The following CTNNA2 variants were observed in gnomAD, a reference collection of about 807,000 sequenced individuals.
CTNNA2 encodes the protein catenin alpha 2.
CTNNA2 carries 42 observed loss-of-function variants against 101.0 expected under a neutral mutation model. That is an observed-to-expected ratio of 0.42 (90% CI 0.32 to 0.54). The LOEUF (loss-of-function observed/expected upper bound fraction) is 0.54. Ranked by LOEUF, CTNNA2 falls within the 20% of genes least tolerant of loss-of-function variation. The pLI, the probability that CTNNA2 is intolerant of heterozygous loss-of-function variation, is 0.14. For missense variants in CTNNA2, 871 were observed against 1,223.1 expected, an observed-to-expected ratio of 0.71 and a Z score of 4.29; for synonymous variants, 450 against 456.4, an observed-to-expected ratio of 0.99 and a Z score of 0.18.
At chr2:79,188,731 G>A (rs1006230272) in intron 1 of CTNNA2, among the ~76,000 whole-genome samples, 3 of 152,176 alleles carry the variant, frequency 2.0e-5, no homozygotes, top group Admixed American at 1.3e-4. Context: ...AAGTAGTGGA[G>A]GAAAAAGCAC....
intron 7 of CTNNA2, among the ~76,000 whole-genome samples, chr2:80,191,120 T>C (rs965815617): frequency 2.6e-5 from 4 of 152,254 alleles, no homozygotes; most frequent in Non-Finnish European, 5.9e-5. Flanking sequence ...GACAGCATTT[T>C]CCTGGACTAC....
intron 7 of CTNNA2, among the ~76,000 whole-genome samples, chr2:80,091,958 T>C (rs980929498): frequency 6.6e-6 from 1 of 152,160 alleles, no homozygotes; most frequent in Non-Finnish European, 1.5e-5. Flanking sequence ...ACATACCCCA[T>C]GTTTGTTACC....
chr2:79,900,812 T>A (rs1685022196), intron 6 of CTNNA2, among the ~76,000 whole-genome samples: 1 of 152,238 alleles, frequency 6.6e-6, no homozygotes, highest in African/African-American at 2.4e-5. Context: ...TGGGAATGTT[T>A]GTAACACAGA....
At chr2:79,382,163 C>A (rs1315627339) in intron 4 of CTNNA2, among the ~76,000 whole-genome samples, 1 of 151,784 alleles carries the variant, frequency 6.6e-6, no homozygotes, top group Non-Finnish European at 1.5e-5. Context: ...GGTGGGACAT[C>A]CTCTCCTGTC....
intron 1 of CTNNA2, chr2:79,634,555 A>G (rs1679893036): frequency 6.6e-6 from 1 of 152,236 alleles, no homozygotes; most frequent in East Asian, 1.9e-4. Context: ...TAAGTATTCT[A>G]GTGTGAAAGA....
intron 7 of CTNNA2, among the ~76,000 whole-genome samples, chr2:80,016,751 T>C (rs2104067059): frequency 6.6e-6 from 1 of 152,286 alleles, no homozygotes; most frequent in Non-Finnish European, 1.5e-5. Flanking sequence ...TGGTGCTTAA[T>C]GGAAGGCCCA....
intron 2 of CTNNA2, among the ~76,000 whole-genome samples, chr2:79,708,547 T>TA (rs771089448): frequency 6.6e-6 from 1 of 152,186 alleles, no homozygotes; most frequent in Non-Finnish European, 1.5e-5. Flanking sequence ...TTCAAAAATT[T>TA]AAAAAACTAC....
intron 9 of CTNNA2, among the ~76,000 whole-genome samples, chr2:80,440,866 A>T (rs1027988460): frequency 6.6e-6 from 1 of 152,190 alleles, no homozygotes; most frequent in African/African-American, 2.4e-5. Flanking sequence ...CTGACCCTCA[A>T]TGGCTTAAGA....
chr2:80,580,509 A>G (rs952505744), intron 13 of CTNNA2, among the ~76,000 whole-genome samples: 1 of 152,168 alleles, frequency 6.6e-6, no homozygotes, highest in African/African-American at 2.4e-5. Context: ...CTGGTTCTTT[A>G]TTAACTAATT....
chr2:79,355,190 A>C (rs1274950531), intron 3 of CTNNA2, among the ~76,000 whole-genome samples: 1 of 152,094 alleles, frequency 6.6e-6, no homozygotes, highest in African/African-American at 2.4e-5. Flanking sequence ...TCTTTTGCTT[A>C]AGGTTGGTTT....
At chr2:80,183,558 T>A (rs1479035932) in intron 7 of CTNNA2, among the ~76,000 whole-genome samples, 1 of 152,194 alleles carries the variant, frequency 6.6e-6, no homozygotes, top group Non-Finnish European at 1.5e-5. Flanking sequence ...AGGGTAAACT[T>A]GAAAGCCCGC....
Position 79,874,310 on chromosome 2 carries a change from G to A in CTNNA2, c.820G>A (p.Gly274Ser), listed in dbSNP as rs1682831067. 3 of 1,613,996 alleles carry A rather than the reference G, an allele frequency of 1.9e-6. No individual in the cohort carries two copies. Among genetic ancestry groups the A allele is most frequent in the Non-Finnish European group, 2.5e-6 (3 of 1,180,004 alleles). The change falls in exon 6 of 19, where the codon GGC becomes AGC. Residue 274 changes from glycine to serine, a missense_variant. By Grantham distance (56) the Gly-to-Ser change is moderately conservative. Coordinates refer to ENST00000402739, the MANE Select transcript of CTNNA2 (RefSeq NM_001282597.3). Reference sequence around the variant, plus strand: ...CGAAGCCAAGGGCCACACGGGCATCGGCGAGCTGGCTGCGGCTCTTAATGA... The same window carrying A: ...CGAAGCCAAGGGCCACACGGGCATCAGCGAGCTGGCTGCGGCTCTTAATGA... ...TDEAKGHTGI[G>S]ELAAALNEFD...
chr2:79,912,789 C>T (rs1685901370), intron 7 of CTNNA2, among the ~76,000 whole-genome samples: 1 of 152,162 alleles, frequency 6.6e-6, no homozygotes, highest in Non-Finnish European at 1.5e-5. Context: ...TGAGTGCCGT[C>T]AGTGTGGTGG....
At chr2:80,267,221 C>A (rs2149132735) in intron 7 of CTNNA2, among the ~76,000 whole-genome samples, 1 of 152,236 alleles carries the variant, frequency 6.6e-6, no homozygotes, top group African/African-American at 2.4e-5. Flanking sequence ...CACTAGTTCT[C>A]AGAGGATATA....
chr2:79,567,185 G>T (rs1675169851), intron 1 of CTNNA2, among the ~76,000 whole-genome samples: 1 of 152,130 alleles, frequency 6.6e-6, no homozygotes, highest in East Asian at 1.9e-4. Context: ...CTTTGTGATT[G>T]CATGAGGGCA....
intron 7 of CTNNA2, among the ~76,000 whole-genome samples, chr2:80,309,980 A>C (rs959224901): frequency 6.6e-6 from 1 of 151,976 alleles, no homozygotes; most frequent in Non-Finnish European, 1.5e-5. Flanking sequence ...CAAACCTTGG[A>C]GCTTATTAGA....
intron 7 of CTNNA2, among the ~76,000 whole-genome samples, chr2:80,330,412 G>A (rs1671212043): frequency 6.6e-6 from 1 of 151,912 alleles, no homozygotes; most frequent in East Asian, 1.9e-4. Flanking sequence ...CCCTGAGGAG[G>A]TTATAAGATT....
intron 9 of CTNNA2, among the ~76,000 whole-genome samples, chr2:80,509,800 T>C (rs1015250877): frequency 2.0e-5 from 3 of 152,172 alleles, no homozygotes; most frequent in Non-Finnish European, 4.4e-5. Flanking sequence ...ACACATTAGT[T>C]ATAAGGTAAT....
At chr2:79,580,363 A>C (rs1019534102) in intron 1 of CTNNA2, among the ~76,000 whole-genome samples, 6 of 152,174 alleles carry the variant, frequency 3.9e-5, no homozygotes, top group Non-Finnish European at 7.3e-5. Context: ...CTGTGCGCCA[A>C]AGAATGCAGT....
Sources: gnomAD v4.1 joint callset for allele counts (sites outside exome capture counted in the v4.1 genomes callset) on GRCh38, gnomAD v4.1.1 for gene constraint, MANE v1.5 for transcripts, NCBI Gene and HGNC (gene_info 2026-07-23, HGNC 2026-07-21) for gene names.